The following JADE2 variants were observed in gnomAD, a reference collection of about 807,000 sequenced individuals.
JADE2 encodes jade family PHD finger 2, also known as E3 ubiquitin-protein ligase Jade-2.
JADE2 carries 13 observed loss-of-function variants against 85.7 expected under a neutral mutation model. The ratio of observed to expected loss-of-function variants is 0.15; its 90% CI spans 0.10 to 0.24. The LOEUF is 0.24. Among genes scored for constraint, JADE2 ranks in the 10% least tolerant of loss-of-function variants. The probability of loss-of-function intolerance (pLI) is 1.00; values close to 1 mark genes in which losing one functional copy is unlikely to be tolerated. For missense variants in JADE2, 846 were observed against 1,115.9 expected (o/e 0.76, Z 3.45); for synonymous variants, 440 against 456.1 (o/e 0.96, Z 0.45).
chr5:134,526,175 G>A (rs1020889483), intron 1 of JADE2, 164 bp downstream of exon 1: 23 of 985,450 alleles, frequency 2.3e-5, no homozygotes, highest in Non-Finnish European at 2.5e-5. Context: ...CGCGGAGAGG[G>A]GGGGGATGCA....
chr5:134,567,360 C>T (rs1307129744), intron 9 of JADE2, among the ~76,000 whole-genome samples: 1 of 152,158 alleles, frequency 6.6e-6, no homozygotes, highest in African/African-American at 2.4e-5. Context: ...AAACCACCCC[C>T]AGCTGTGTGC....
chr5:134,531,882 G>GTTTTTT (rs1351976124), intron 1 of JADE2, among the ~76,000 whole-genome samples: 1 of 83,060 alleles, frequency 1.2e-5, no homozygotes, highest in Non-Finnish European at 2.5e-5. Context: ...ACCGTGCCTG[G>GTTTTTT]CTTTTTTTTT....
chr5:134,559,699 A>T, intron 4 of JADE2, 131 bp from the exon 5 acceptor site: 1 of 779,254 alleles, frequency 1.3e-6, no homozygotes, highest in Non-Finnish European at 2.0e-6. Context: ...GGGTGGAAGG[A>T]GGTGGGCCCT....
chr5:134,558,788 T>C (rs920103886), intron 4 of JADE2, among the ~76,000 whole-genome samples: 1 of 152,252 alleles, frequency 6.6e-6, no homozygotes, highest in Non-Finnish European at 1.5e-5. Context: ...TTCACCCGCC[T>C]TGGACTCCCA....
intron 4 of JADE2, among the ~76,000 whole-genome samples, chr5:134,558,897 A>G (rs1347640838): frequency 6.6e-6 from 1 of 152,222 alleles, no homozygotes; most frequent in Non-Finnish European, 1.5e-5. Flanking sequence ...AGAGAAGTTT[A>G]GTGGCTTCCC....
intron 1 of JADE2, among the ~76,000 whole-genome samples, chr5:134,533,215 C>T (rs977504823): frequency 1.3e-5 from 2 of 152,160 alleles, no homozygotes; most frequent in African/African-American, 4.8e-5. Flanking sequence ...CCAAGGCTGC[C>T]ATGGTATTAC....
chr5:134,567,369 G>T (rs1330659101), intron 9 of JADE2, among the ~76,000 whole-genome samples: 1 of 152,172 alleles, frequency 6.6e-6, no homozygotes, highest in Non-Finnish European at 1.5e-5. Context: ...CCAGCTGTGT[G>T]CTGGGAAACA....
At chr5:134,549,143 G>C (rs1175562367) in intron 3 of JADE2, among the ~76,000 whole-genome samples, 1 of 152,216 alleles carries the variant, frequency 6.6e-6, no homozygotes, top group Non-Finnish European at 1.5e-5. Flanking sequence ...AAATGAGGCA[G>C]GGGTGAGATG....
Position 134,579,271 on chromosome 5 carries a change from A to C in JADE2, c.2459A>C (p.Glu820Ala), listed in dbSNP as rs373947315. 6.2e-7 allele frequency: 1 copy of C among 1,613,364 alleles called. No homozygotes were observed. Among genetic ancestry groups the C allele is most frequent in the Non-Finnish European group, 8.5e-7 (1 of 1,179,894 alleles). ...GGTGGGGTGCAGCGGGGTCCCCGGG[A>C]GGCAGGGGCAGAGGAGGTGGTCCGC... ...EDGGVQRGPR[E>A]AGAEEVVRMG... is the part of the protein sequence containing the mutation. The change falls in exon 12 of 12, where the codon GAG becomes GCG. Residue 820 changes from glutamate (E) to alanine (A), a missense_variant. By Grantham distance (107) the Glu-to-Ala change is moderately radical. This residue lies in a region of JADE2 where 300 missense variants were observed against 300.7 expected (regional missense o/e 1.00). Transcript: ENST00000681547. The surrounding 1 kb of genome is among the most constrained non-coding windows in gnomAD (Gnocchi z 4.6).
At chr5:134,526,501 A>C (rs1031890274) in intron 1 of JADE2, 2 of 984,534 alleles carry the variant, frequency 2.0e-6, no homozygotes, top group African/African-American at 1.8e-5. Flanking sequence ...TGTCTCCCCG[A>C]GTTTCATTTT....
chr5:134,524,319 C>T (rs1048436634), upstream of JADE2: 6 of 152,492 alleles, frequency 3.9e-5, no homozygotes, highest in Non-Finnish European at 8.8e-5. Flanking sequence ...GGGAACAGAC[C>T]CAAGGCCCCG....
At chr5:134,577,913 A>G (rs972935054) in intron 11 of JADE2, among the ~76,000 whole-genome samples, 2 of 151,998 alleles carry the variant, frequency 1.3e-5, no homozygotes, top group African/African-American at 4.8e-5. Context: ...CCCTTTATCC[A>G]TGCTCTTTGC....
intron 3 of JADE2, among the ~76,000 whole-genome samples, chr5:134,541,405 C>T (rs1339329498): frequency 6.6e-6 from 1 of 152,242 alleles, no homozygotes; most frequent in Admixed American, 6.5e-5. Context: ...TGCACTAAAT[C>T]TCACGGACTG....
At chr5:134,560,057 A>G (rs1200008468) in intron 5 of JADE2, 67 bp downstream of exon 5, 3 of 1,574,058 alleles carry the variant, frequency 1.9e-6, no homozygotes, top group Non-Finnish European at 2.6e-6. Context: ...CCATCCCGAG[A>G]GGGACAGTGG....
In JADE2 at chr5:134,580,766, C is replaced by A. The variant is rs1764674045; in HGVS notation, c.*1449C>A. ...TTTGGACTTTTTTTTAAATGGAGTT[C>A]TTTAGCAACAAAGTATAGAAACATG... is the stretch of plus-strand genomic sequence containing the variant. On this transcript the variant is annotated 3_prime_UTR_variant, in exon 12 of 12. Transcript: ENST00000681547. The A allele has an allele frequency of 6.6e-6, 1 of 152,424 alleles. No homozygotes were observed. The highest frequency in any genetic ancestry group is 2.1e-4 in the South Asian group (1 of 4,812). 9.4% of individuals were successfully genotyped at this position (152,424 alleles called of 1,614,324 possible).
At chr5:134,553,071 G>A (rs905716681) in intron 4 of JADE2, among the ~76,000 whole-genome samples, 1 of 132,488 alleles carries the variant, frequency 7.5e-6, no homozygotes, top group African/African-American at 2.9e-5. Context: ...TCAGCTCACT[G>A]CAGCCTCGAC....
At chr5:134,558,499 G>A (rs150911498) in intron 4 of JADE2, among the ~76,000 whole-genome samples, 4,993 of 151,968 alleles carry the variant, frequency 0.033, 286 homozygotes, top group South Asian at 0.24. Flanking sequence ...TTCTTCTAGG[G>A]TTTTTATGGT....
In JADE2 at chr5:134,535,873, C is replaced by G. The variant is rs1435018199; in HGVS notation, c.16C>G (p.Arg6Gly). 1.9e-6 allele frequency: 3 copies of G among 1,613,790 alleles called. No homozygotes were observed. The highest frequency in any genetic ancestry group is 4.5e-5 in the East Asian group (2 of 44,894). Residue 6 changes from arginine to glycine, a missense_variant, in exon 2 of 12, where the codon CGA (arginine) becomes GGA (glycine). By Grantham distance (125) the Arg-to-Gly change is moderately radical. Coordinates refer to ENST00000681547, the MANE Select transcript of JADE2 (RefSeq NM_001388185.1). ...TTTGTTGCAGATGGAAGAGAAGAGG[C>G]GAAAATACTCCATCAGCAGTGACAA... MEEKR[R>G]KYSISSDNSD...
At position 134,562,002 on chromosome 5, in the gene JADE2, C is replaced by G. The variant is rs542554621; in HGVS notation, c.685-198C>G. On this transcript the variant is annotated intron_variant, in intron 6 of 11. Coordinates refer to ENST00000681547, the MANE Select transcript of JADE2 (RefSeq NM_001388185.1). This position sits in a 1 kb window ranked among gnomAD's most constrained non-coding sequence, Gnocchi z 4.6. ...CTGAAATGGTGGCATTTCAGGCATA[C>G]AAGCAGGCCAAGGAGGGCTTTCCAG... Among the ~76,000 whole-genome samples, 2 of 152,278 alleles carry G rather than the reference C, an allele frequency of 1.3e-5. No homozygotes were observed. Among genetic ancestry groups the G allele is most frequent in the Admixed American group, 1.3e-4 (2 of 15,304 alleles).
Sources: gnomAD v4.1 joint callset for allele counts (sites outside exome capture counted in the v4.1 genomes callset) on GRCh38, gnomAD v4.1.1 for gene constraint, gnomAD v4.1.1 regional missense constraint, Gnocchi (gnomAD v3.1) non-coding constraint, MANE v1.5 for transcripts, NCBI Gene and HGNC (gene_info 2026-07-23, HGNC 2026-07-21) for gene names.